OSBPL6: variants seen among roughly 807,000 people sequenced by gnomAD.
OSBPL6 encodes the protein oxysterol binding protein like 6, also known as oxysterol-binding protein-related protein 6.
In OSBPL6, 49 loss-of-function variants were observed where a neutral mutation model predicts 125.8. The ratio of observed to expected loss-of-function variants is 0.39; its 90% confidence interval spans 0.31 to 0.49. The LOEUF is 0.49. OSBPL6 is among the 20% of genes least tolerant of loss of function. The probability of loss-of-function intolerance (pLI) is 0.88; values close to 1 mark genes in which losing one functional copy is unlikely to be tolerated. For synonymous variants in OSBPL6, 394 were observed against 391.8 expected, an observed-to-expected ratio of 1.01 and a Z score of -0.07; for missense variants, 986 against 1,135.4, an observed-to-expected ratio of 0.87 and a Z score of 1.89.
chr2:178,260,250 G>T (rs981988060), intron 1 of OSBPL6, among the ~76,000 whole-genome samples: 36 of 152,154 alleles, frequency 2.4e-4, no homozygotes, highest in African/African-American at 8.7e-4. Context: ...TAACCATATG[G>T]ACTTAAACAC....
rs377160175 is a variant in OSBPL6 at position 178,394,344 on chromosome 2, G to A, written c.2605G>A (p.Ala869Thr). ...FLEEGNLEAA[A>T]SEKQRVEELQ... ...GGAAGAAGGAAATTTAGAAGCTGCAGCATCAGAGAAGCAAAGAGTAGAGGA... is the reference window on the plus strand; with the variant it reads ...GGAAGAAGGAAATTTAGAAGCTGCAACATCAGAGAAGCAAAGAGTAGAGGA... The change falls in exon 24 of 25, where the codon GCA becomes ACA. Residue 869 changes from alanine to threonine, a missense_variant. Ala to Thr is a moderately conservative substitution (Grantham distance 58). Transcript: ENST00000190611. 3 of 1,613,634 alleles carry A rather than the reference G, an allele frequency of 1.9e-6. No individual in the cohort carries two copies. The highest frequency in any genetic ancestry group is 2.5e-6 in the Non-Finnish European group (3 of 1,179,852).
chr2:178,299,884 T>C (rs1192314250), intron 2 of OSBPL6, among the ~76,000 whole-genome samples: 1 of 152,200 alleles, frequency 6.6e-6, no homozygotes, highest in African/African-American at 2.4e-5. Flanking sequence ...TTCATTTACT[T>C]AGTAAGGGGC....
chr2:178,218,935 G>T (rs1046499545), intron 1 of OSBPL6, among the ~76,000 whole-genome samples: 2 of 151,822 alleles, frequency 1.3e-5, no homozygotes, highest in Non-Finnish European at 2.9e-5. Context: ...GCCTATCCCT[G>T]CTCCTTTTTA....
In OSBPL6 at chr2:178,280,770, G is replaced by A. The variant is rs143942471; in HGVS notation, c.-350-4157G>A. 3.3e-3 allele frequency among the ~76,000 whole-genome samples: 497 copies of A among 152,284 alleles called. 4 individuals are homozygous for A. The highest frequency in any genetic ancestry group is 5.6e-3 in the Non-Finnish European group (379 of 68,022). Reference sequence around the variant, plus strand: ...GCATAAATGTCTTCTTTTGAGAAGTGTCTATTCATATCCTTTGCCCAATTT... The same window carrying A: ...GCATAAATGTCTTCTTTTGAGAAGTATCTATTCATATCCTTTGCCCAATTT... On this transcript the variant is annotated intron_variant, in intron 1 of 24. Coordinates refer to ENST00000190611, the MANE Select transcript of OSBPL6 (RefSeq NM_032523.4).
At chr2:178,226,361 T>A (rs970244259) in intron 1 of OSBPL6, among the ~76,000 whole-genome samples, 3 of 150,982 alleles carry the variant, frequency 2.0e-5, no homozygotes, top group African/African-American at 7.3e-5. Context: ...GGTGGTGCAG[T>A]GGGCAAGGGA....
At chr2:178,245,918 A>T (rs1312078463) in intron 1 of OSBPL6, among the ~76,000 whole-genome samples, 1 of 152,134 alleles carries the variant, frequency 6.6e-6, no homozygotes, top group Non-Finnish European at 1.5e-5. Flanking sequence ...GGAAAGGCTG[A>T]TGTTTGTGTG....
intron 3 of OSBPL6, among the ~76,000 whole-genome samples, chr2:178,321,678 T>C (rs1161336123): frequency 6.6e-6 from 1 of 152,224 alleles, no homozygotes; most frequent in Non-Finnish European, 1.5e-5. Flanking sequence ...TAGTTACAAT[T>C]ACAATAATGG....
Position 178,372,218 on chromosome 2 carries a change from T to A in OSBPL6, c.1380T>A (p.Ile460=). The A allele has an allele frequency of 3.1e-6, 5 of 1,611,574 alleles. No homozygotes were observed. The highest frequency in any genetic ancestry group is 4.2e-6 in the Non-Finnish European group (5 of 1,178,400). ...ICDQVVSVNI[I]PSPDEAGEQI... is the part of the protein sequence containing the mutation. ...ATCAGGTTGTCAGTGTAAATATTAT[T>A]CCTAGCCCTGATGAGGTAAGACTCA... The change falls in exon 14 of 25, where the codon ATT becomes ATA. Residue 460 remains isoleucine, a synonymous_variant. Coordinates refer to ENST00000190611, the MANE Select transcript of OSBPL6 (RefSeq NM_032523.4).
Position 178,302,847 on chromosome 2 carries a change from G to A in OSBPL6, c.-155-3183G>A, listed in dbSNP as rs149241907. On this transcript the variant is annotated intron_variant, in intron 2 of 24. Transcript: ENST00000190611. ...TTTTAAATGAAAAAATCCAGCAGAGGAAATATACCTTGGATTGAATTTACT... is the reference window on the plus strand; with the variant it reads ...TTTTAAATGAAAAAATCCAGCAGAGAAAATATACCTTGGATTGAATTTACT... Among the ~76,000 whole-genome samples the A allele has an allele frequency of 1.4e-3, 216 of 152,286 alleles. 1 individual carries two copies. The highest frequency in any genetic ancestry group is 4.5e-3 in the African/African-American group (185 of 41,540).
chr2:178,238,073 T>C (rs1051470785), intron 1 of OSBPL6, among the ~76,000 whole-genome samples: 6 of 152,244 alleles, frequency 3.9e-5, no homozygotes, highest in South Asian at 2.1e-4. Context: ...CAGCATGTCA[T>C]GGTATTCATC....
chr2:178,342,196 A>G (rs1389824518), intron 11 of OSBPL6, among the ~76,000 whole-genome samples: 1 of 152,156 alleles, frequency 6.6e-6, no homozygotes, highest in Non-Finnish European at 1.5e-5. Context: ...TCAAGCAGTG[A>G]GAGCTCATTT....
At chr2:178,280,090 C>T (rs993645867) in intron 1 of OSBPL6, among the ~76,000 whole-genome samples, 11 of 151,882 alleles carry the variant, frequency 7.2e-5, no homozygotes, top group Non-Finnish European at 2.9e-5. Flanking sequence ...CCCAGCTACT[C>T]GGGAGGCTGA....
chr2:178,217,272 G>A (rs1034178171), intron 1 of OSBPL6, among the ~76,000 whole-genome samples: 2 of 152,176 alleles, frequency 1.3e-5, no homozygotes, highest in African/African-American at 2.4e-5. Context: ...TTTTAAAATA[G>A]AGTATTTTTA....
At chr2:178,376,824 C>G (rs1303502057) in intron 15 of OSBPL6, among the ~76,000 whole-genome samples, 15 of 152,172 alleles carry the variant, frequency 9.9e-5, no homozygotes, top group Admixed American at 9.8e-4. Flanking sequence ...GAGTGACTCT[C>G]TCCTACAACT....
rs369123336 is a variant in OSBPL6, at chr2:178,282,963, G to T, written c.-350-1964G>T. 5.9e-4 allele frequency among the ~76,000 whole-genome samples: 90 copies of T among 152,174 alleles called. 1 individual carries two copies. Among genetic ancestry groups the T allele is most frequent in the African/African-American group, 2.1e-3 (86 of 41,522 alleles). ...CCACTGCGCCTGGCCTGCTAGGGGA[G>T]TTTCTATAGCTGACAATTCATATTC... On this transcript the variant is annotated intron_variant, in intron 1 of 24. Transcript: ENST00000190611.
intron 16 of OSBPL6, chr2:178,382,795 C>A: frequency 2.1e-6 from 3 of 1,414,942 alleles, no homozygotes; most frequent in Non-Finnish European, 2.8e-6. Context: ...CCTGTCTTGT[C>A]TTGAATGATA....
intron 1 of OSBPL6, among the ~76,000 whole-genome samples, chr2:178,273,262 T>C (rs1331577177): frequency 6.6e-6 from 1 of 152,186 alleles, no homozygotes; most frequent in Non-Finnish European, 1.5e-5. Context: ...ATTTCGGCTT[T>C]ATTCTGTCTT....
In OSBPL6 at chr2:178,285,387, A is replaced by G. The variant is rs547781235; in HGVS notation, c.-156+266A>G. Reference sequence around the variant, plus strand: ...ATGTAGTCTGGCATCATGTGGAAATATGATACTGCTTTTCCCTTCTTGAGC... The same window carrying G: ...ATGTAGTCTGGCATCATGTGGAAATGTGATACTGCTTTTCCCTTCTTGAGC... On this transcript the variant is annotated intron_variant, in intron 2 of 24. Transcript: ENST00000190611. Among the ~76,000 whole-genome samples the G allele has an allele frequency of 3.3e-5, 5 of 152,316 alleles. 1 individual carries two copies. The highest frequency in any genetic ancestry group is 1.2e-4 in the African/African-American group (5 of 41,568).
intron 23 of OSBPL6, 98 bp downstream of exon 23, chr2:178,392,636 A>C: frequency 6.9e-7 from 1 of 1,452,184 alleles, no homozygotes; most frequent in South Asian, 1.3e-5. Flanking sequence ...AGGGAAGATC[A>C]CTTGAGGTCA....
Sources: allele counts gnomAD v4.1 joint callset (sites outside exome capture counted in the v4.1 genomes callset), GRCh38; gene constraint gnomAD v4.1.1; transcripts MANE v1.5; gene names NCBI Gene and HGNC (gene_info 2026-07-23, HGNC 2026-07-21).